Variants in MPPED1 observed in about 807,000 individuals in gnomAD.
The protein encoded by MPPED1 is metallophosphoesterase domain containing 1.
A neutral mutation model predicts 36.2 loss-of-function variants in MPPED1; 16 were observed. The observed-to-expected ratio is 0.44, with a 90% CI of 0.30 to 0.67. The LOEUF (loss-of-function observed/expected upper bound fraction) is 0.67, where lower values mean the gene tolerates loss of function less well. MPPED1 is among the 30% of genes least tolerant of loss of function. The pLI, the probability that MPPED1 is intolerant of heterozygous loss-of-function variation, is 0.10. For synonymous variants in MPPED1, 199 were observed against 191.3 expected, an observed-to-expected ratio of 1.04 and a Z score of -0.33; for missense variants, 307 against 453.4, an observed-to-expected ratio of 0.68 and a Z score of 2.93.
intron 4 of MPPED1, among the ~76,000 whole-genome samples, chr22:43,485,008 A>C (rs1328208697): frequency 2.6e-5 from 4 of 152,100 alleles, no homozygotes; most frequent in African/African-American, 9.7e-5. Flanking sequence ...TGCTTCTACA[A>C]ACGCACAGAC....
chr22:43,476,720 G>A lies in MPPED1; in HGVS notation c.632+1759G>A, dbSNP rs1254494379. Reference sequence around the variant, plus strand: ...CTGCTGTCATCTCCCTGGACTTCACGATGTACAGGGTCTTGGTGAACCCTC... The same window carrying A: ...CTGCTGTCATCTCCCTGGACTTCACAATGTACAGGGTCTTGGTGAACCCTC... On this transcript the variant is annotated intron_variant, in intron 4 of 6. Transcript: ENST00000443721. Among the ~76,000 whole-genome samples, 5 of 152,194 alleles carry A rather than the reference G, an allele frequency of 3.3e-5. No individual in the cohort carries two copies. In the East Asian group the frequency reaches 9.7e-4, roughly 29 times the overall value.
intron 4 of MPPED1, among the ~76,000 whole-genome samples, chr22:43,480,157 C>T (rs1315920662): frequency 6.6e-6 from 1 of 152,186 alleles, no homozygotes; most frequent in African/African-American, 2.4e-5. Context: ...TTGAGCCACA[C>T]ACTCTGAGGC....
chr22:43,445,879 C>CTTTTT (rs1930323306), intron 3 of MPPED1, among the ~76,000 whole-genome samples: 2 of 35,426 alleles, frequency 5.6e-5, no homozygotes, highest in African/African-American at 9.5e-5. Context: ...CTGGTGTTTA[C>CTTTTT]ATTTTCTTTT....
At chr22:43,447,881 ATAT>A (rs1221239068) in intron 3 of MPPED1, among the ~76,000 whole-genome samples, 60 of 34,564 alleles carry the variant, frequency 1.7e-3, no homozygotes, top group African/African-American at 6.2e-3. Flanking sequence ...ATATATATAT[ATAT>A]TTTTTTTTTT....
chr22:43,471,475 G>A (rs1931375128), intron 3 of MPPED1, among the ~76,000 whole-genome samples: 1 of 152,212 alleles, frequency 6.6e-6, no homozygotes, highest in Admixed American at 6.5e-5. Flanking sequence ...CGTGGGGCCT[G>A]GGTGGGTTTC....
At chr22:43,475,410 A>G (rs1431246827) in intron 4 of MPPED1, among the ~76,000 whole-genome samples, 4 of 151,152 alleles carry the variant, frequency 2.6e-5, no homozygotes, top group Non-Finnish European at 4.4e-5. Flanking sequence ...TGCTCCATAC[A>G]AAAAAAGATG....
chr22:43,472,283 G>A (rs1931402565), intron 3 of MPPED1, among the ~76,000 whole-genome samples: 1 of 152,186 alleles, frequency 6.6e-6, no homozygotes, highest in Non-Finnish European at 1.5e-5. Flanking sequence ...CTGTGGATGG[G>A]TCTGGCCTGC....
Position 43,502,583 on chromosome 22 carries a change from T to C in MPPED1, c.749-61T>C. On this transcript the variant is annotated intron_variant, in intron 5 of 6. Coordinates refer to ENST00000443721, the MANE Select transcript of MPPED1 (RefSeq NM_001044370.2). This position sits in a 1 kb window ranked among gnomAD's most constrained non-coding sequence, Gnocchi z 5.5. ...AGGCTGCAGAAGCTGCTGCTAGGCGTGGGGCAGTGAGGGGCTGGGACAGAC... is the reference window on the plus strand; with the variant it reads ...AGGCTGCAGAAGCTGCTGCTAGGCGCGGGGCAGTGAGGGGCTGGGACAGAC... The C allele has an allele frequency of 1.5e-6, 2 of 1,343,652 alleles. No homozygotes were observed. The highest frequency in any genetic ancestry group is 3.8e-4 in the Middle Eastern group (2 of 5,222). The allele number at this position is 1,343,652 out of a possible 1,614,324, so 83.2% of individuals were successfully genotyped here. A position where few individuals can be genotyped will look rare whatever the true frequency, so the allele number is the denominator to read the frequency against.
At chr22:43,476,530 G>A (rs1265559428) in intron 4 of MPPED1, among the ~76,000 whole-genome samples, 2 of 152,160 alleles carry the variant, frequency 1.3e-5, no homozygotes, top group Non-Finnish European at 2.9e-5. Flanking sequence ...AGAGCATCTG[G>A]GAAACCCCTG....
At position 43,474,685 on chromosome 22, in the gene MPPED1, G is replaced by A; in HGVS notation, c.407-51G>A. On this transcript the variant is annotated intron_variant, in intron 3 of 6. Transcript: ENST00000443721. The surrounding 1 kb of genome is among the most constrained non-coding windows in gnomAD (Gnocchi z 5.2). ...CTCTCTCAGCCGTGCTGTGGCTTCT[G>A]GACAAGCTGACGGCTGTGTGCTGTG... is the stretch of plus-strand genomic sequence containing the variant. 1 of 1,597,042 alleles carries A rather than the reference G, an allele frequency of 6.3e-7. No individual in the cohort carries two copies. Among genetic ancestry groups the A allele is most frequent in the Non-Finnish European group, 8.6e-7 (1 of 1,165,832 alleles).
intron 4 of MPPED1, among the ~76,000 whole-genome samples, chr22:43,493,579 C>G (rs1348434473): frequency 6.6e-6 from 1 of 152,228 alleles, no homozygotes; most frequent in Admixed American, 6.5e-5. Context: ...AAGTCCTGTG[C>G]CATCTCACTG....
At chr22:43,485,284 A>T (rs1462389005) in intron 4 of MPPED1, among the ~76,000 whole-genome samples, 2 of 152,026 alleles carry the variant, frequency 1.3e-5, no homozygotes, top group Non-Finnish European at 2.9e-5. Flanking sequence ...GCTCAAACAC[A>T]TGCATTCACA....
intron 1 of MPPED1, among the ~76,000 whole-genome samples, chr22:43,417,453 T>TA (rs1443961516): frequency 1.3e-5 from 2 of 151,764 alleles, no homozygotes; most frequent in Non-Finnish European, 2.9e-5. Context: ...TCTGCTTTTT[T>TA]TTTTTTTTTT....
chr22:43,438,215 G>A (rs1296771152), intron 3 of MPPED1, among the ~76,000 whole-genome samples: 6 of 152,180 alleles, frequency 3.9e-5, no homozygotes, highest in Non-Finnish European at 8.8e-5. Flanking sequence ...GGACCCACCT[G>A]GGGACGTGTG....
At chr22:43,419,262 C>T (rs903638229) in intron 1 of MPPED1, 2 of 152,158 alleles carry the variant, frequency 1.3e-5, no homozygotes, top group African/African-American at 2.4e-5. Flanking sequence ...GATAAAAAGC[C>T]GACTGTGTGT....
chr22:43,467,698 T>C (rs1269357685), intron 3 of MPPED1, among the ~76,000 whole-genome samples: 1 of 152,244 alleles, frequency 6.6e-6, no homozygotes, highest in Non-Finnish European at 1.5e-5. Flanking sequence ...GAGATCGTTA[T>C]GCCGTCTCTT....
chr22:43,452,179 G>A (rs1266845067), intron 3 of MPPED1, among the ~76,000 whole-genome samples: 2 of 151,984 alleles, frequency 1.3e-5, no homozygotes, highest in East Asian at 3.9e-4. Context: ...CATCATGCTT[G>A]GCTAATTTTT....
intron 4 of MPPED1, among the ~76,000 whole-genome samples, chr22:43,478,138 C>T (rs1236014347): frequency 6.6e-6 from 1 of 152,242 alleles, no homozygotes; most frequent in Non-Finnish European, 1.5e-5. Context: ...GCGGGGTGGC[C>T]CTTCAGGCTG....
At chr22:43,423,485 C>G (rs1010367479) in intron 1 of MPPED1, among the ~76,000 whole-genome samples, 1 of 152,114 alleles carries the variant, frequency 6.6e-6, no homozygotes, top group Non-Finnish European at 1.5e-5. Context: ...TTTTTTTCCC[C>G]CTTGTCTCTG....
Sources: allele counts gnomAD v4.1 joint callset (sites outside exome capture counted in the v4.1 genomes callset), GRCh38; gene constraint gnomAD v4.1.1; non-coding constraint Gnocchi (gnomAD v3.1); transcripts MANE v1.5; gene names NCBI Gene and HGNC (gene_info 2026-07-23, HGNC 2026-07-21).